PTPRD: variants seen among roughly 807,000 people sequenced by gnomAD.
PTPRD encodes the protein receptor-type tyrosine-protein phosphatase delta.
In PTPRD, 34 loss-of-function variants were observed where a neutral mutation model predicts 214.5. The observed-to-expected ratio is 0.16, with a 90% confidence interval of 0.12 to 0.21. The LOEUF is 0.21. Among genes scored for constraint, PTPRD ranks in the 10% least tolerant of loss-of-function variants. The pLI is 1.00. For synonymous variants in PTPRD, 1,128 were observed against 845.7 expected (o/e 1.33, Z -5.79); for missense variants, 2,545 against 2,398.7 (o/e 1.06, Z -1.27).
chr9:9,570,150 A>G (rs2085919045), intron 8 of PTPRD, among the ~76,000 whole-genome samples: 1 of 151,588 alleles, frequency 6.6e-6, no homozygotes, highest in African/African-American at 2.4e-5. Flanking sequence ...CTCAAATTCA[A>G]ACTTCATTTA....
At chr9:10,246,073 A>G (rs1330170988) in intron 3 of PTPRD, among the ~76,000 whole-genome samples, 3 of 152,052 alleles carry the variant, frequency 2.0e-5, no homozygotes, top group Non-Finnish European at 4.4e-5. Context: ...CTGCTTTTTA[A>G]ACCCTCTAGC....
At chr9:9,250,799 G>GA (rs1424838626) in intron 9 of PTPRD, among the ~76,000 whole-genome samples, 6 of 152,082 alleles carry the variant, frequency 3.9e-5, no homozygotes, top group South Asian at 2.1e-4. Flanking sequence ...TATTATTGGT[G>GA]AAAAAAATGA....
chr9:9,871,040 G>A (rs1481621058), intron 5 of PTPRD, among the ~76,000 whole-genome samples: 1 of 152,012 alleles, frequency 6.6e-6, no homozygotes, highest in Non-Finnish European at 1.5e-5. Flanking sequence ...TTGATCCCTT[G>A]AATCAGAAAG....
chr9:8,753,501 C>T (rs1444077766), intron 11 of PTPRD, among the ~76,000 whole-genome samples: 2 of 152,178 alleles, frequency 1.3e-5, no homozygotes, highest in Admixed American at 6.5e-5. Flanking sequence ...GTCTGTGCTC[C>T]TCTGGCCGGT....
intron 12 of PTPRD, among the ~76,000 whole-genome samples, chr9:8,688,433 T>C (rs946487911): frequency 4.8e-4 from 73 of 151,694 alleles, no homozygotes; most frequent in African/African-American, 1.6e-3. Context: ...GGCGTGGTGG[T>C]GGGCGCCTGT....
Position 9,923,121 on chromosome 9 carries a change from G to GTGTGTGTGTGT in PTPRD, c.-368+15385_-368+15386insACACACACACA, listed in dbSNP as rs1555340153. 1.1e-4 allele frequency among the ~76,000 whole-genome samples: 5 copies of GTGTGTGTGTGT among 45,352 alleles called. No individual in the cohort carries two copies. In the African/African-American group the frequency reaches 1.5e-3, roughly 13 times the overall value. 29.8% of individuals were successfully genotyped at this position (45,352 alleles called of 152,430 possible). A position where few individuals can be genotyped will look rare whatever the true frequency, so the allele number is the denominator to read the frequency against. ...GAAAAAAAAAGGACTGTGTGTGTGG[G>GTGTGTGTGTGT]GGGTGTGTGTGTGTGTGTGTGTGTG... On this transcript the variant is annotated intron_variant, in intron 5 of 45. Transcript: ENST00000381196.
chr9:8,855,554 A>C (rs1320033064), intron 11 of PTPRD, among the ~76,000 whole-genome samples: 2 of 152,214 alleles, frequency 1.3e-5, no homozygotes, highest in Admixed American at 6.5e-5. Flanking sequence ...TATTTGAGAG[A>C]GACAGTGTTC....
At chr9:10,283,745 CT>C (rs1347593057) in intron 3 of PTPRD, among the ~76,000 whole-genome samples, 1 of 152,096 alleles carries the variant, frequency 6.6e-6, no homozygotes, top group Non-Finnish European at 1.5e-5. Flanking sequence ...TCTGATTGAC[CT>C]AATATCTTTA....
At chr9:10,259,022 T>G (rs1363376973) in intron 3 of PTPRD, among the ~76,000 whole-genome samples, 1 of 152,044 alleles carries the variant, frequency 6.6e-6, no homozygotes, top group East Asian at 1.9e-4. Context: ...TTGTTTTGTT[T>G]TTTGTTTTTT....
Position 8,557,455 on chromosome 9 carries a change from T to TATACACACATACACATAC in PTPRD, c.353-28677_353-28676insGTATGTGTATGTGTGTAT. 1.3e-4 allele frequency among the ~76,000 whole-genome samples: 18 copies of TATACACACATACACATAC among 135,634 alleles called. 1 individual carries two copies. Among genetic ancestry groups the TATACACACATACACATAC allele is most frequent in the African/African-American group, 5.2e-4 (15 of 28,760 alleles). 89.0% of individuals were successfully genotyped at this position (135,634 alleles called of 152,430 possible). A position where few individuals can be genotyped will look rare whatever the true frequency, so the allele number is the denominator to read the frequency against. On this transcript the variant is annotated intron_variant, in intron 14 of 45. Coordinates refer to ENST00000381196, the MANE Select transcript of PTPRD (RefSeq NM_002839.4). ...AAATACATATATATATATATATATATATTTGGGCCGGGCGCGGTGGCTCAT... is the reference window on the plus strand; with the variant it reads ...AAATACATATATATATATATATATATATACACACATACACATACATTTGGGCCGGGCGCGGTGGCTCAT...
At chr9:8,558,527 T>C (rs891798384) in intron 14 of PTPRD, among the ~76,000 whole-genome samples, 5 of 152,174 alleles carry the variant, frequency 3.3e-5, no homozygotes, top group Non-Finnish European at 7.4e-5. Flanking sequence ...TCAGGCCTGC[T>C]CTGATGGAGA....
intron 4 of PTPRD, among the ~76,000 whole-genome samples, chr9:9,945,205 G>C (rs780895358): frequency 1.3e-5 from 2 of 152,106 alleles, no homozygotes; most frequent in Non-Finnish European, 2.9e-5. Flanking sequence ...AGTGTCAGTT[G>C]TAAGATGCCC....
chr9:9,520,330 A>G (rs1317848406), intron 8 of PTPRD, among the ~76,000 whole-genome samples: 1 of 148,332 alleles, frequency 6.7e-6, no homozygotes, highest in Admixed American at 6.7e-5. Context: ...AAAATTAATA[A>G]TATCTGGGAA....
intron 5 of PTPRD, among the ~76,000 whole-genome samples, chr9:9,806,907 C>A (rs531503004): frequency 6.6e-6 from 1 of 152,140 alleles, no homozygotes; most frequent in Admixed American, 6.5e-5. Context: ...ACTTGTGGCC[C>A]CTCCCAAGTG....
chr9:8,960,962 T>C (rs930106430), intron 11 of PTPRD, among the ~76,000 whole-genome samples: 5 of 152,100 alleles, frequency 3.3e-5, no homozygotes, highest in African/African-American at 1.2e-4. Context: ...GGGATTGCAA[T>C]ACAAAGATGA....
chr9:8,978,582 G>A (rs573908211), intron 11 of PTPRD, among the ~76,000 whole-genome samples: 1 of 152,074 alleles, frequency 6.6e-6, no homozygotes, highest in Non-Finnish European at 1.5e-5. Flanking sequence ...AGTGCACGCA[G>A]CCTTGAATCA....
chr9:9,467,686 G>A (rs1469787897), intron 8 of PTPRD, among the ~76,000 whole-genome samples: 1 of 148,208 alleles, frequency 6.7e-6, no homozygotes, highest in Non-Finnish European at 1.5e-5. Context: ...ATATTCTTGT[G>A]TTAAATTTCT....
chr9:10,538,915 T>C (rs962007782), intron 2 of PTPRD, among the ~76,000 whole-genome samples: 5 of 152,164 alleles, frequency 3.3e-5, no homozygotes, highest in African/African-American at 1.2e-4. Flanking sequence ...TTTAAGGTGT[T>C]TATAAATACT....
intron 11 of PTPRD, among the ~76,000 whole-genome samples, chr9:8,745,458 T>C (rs542694472): frequency 6.6e-6 from 1 of 152,286 alleles, no homozygotes; most frequent in Admixed American, 6.5e-5. Context: ...AGGCGGGGTA[T>C]AGGAAGGCAG....
Sources: gnomAD v4.1 joint callset for allele counts (sites outside exome capture counted in the v4.1 genomes callset) on GRCh38, gnomAD v4.1.1 for gene constraint, MANE v1.5 for transcripts, NCBI Gene and HGNC (gene_info 2026-07-23, HGNC 2026-07-21) for gene names.